Variants in SLC12A8 observed in about 807,000 individuals in gnomAD.
SLC12A8 encodes solute carrier family 12 member 8, also known as cation-chloride cotransporter 9.
SLC12A8 carries 69 observed loss-of-function variants against 75.6 expected under a neutral mutation model. That is an observed-to-expected ratio of 0.91 (90% CI 0.75 to 1.11). SLC12A8 has a LOEUF of 1.11. Ranked by LOEUF, SLC12A8 falls within the 50% of genes most tolerant of loss-of-function variation. The pLI is 0.00. For synonymous variants in SLC12A8, 365 were observed against 372.8 expected, an observed-to-expected ratio of 0.98 and a Z score of 0.24; for missense variants, 877 against 896.7, an observed-to-expected ratio of 0.98 and a Z score of 0.28.
chr3:125,148,665 G>A (rs886993411), intron 5 of SLC12A8, among the ~76,000 whole-genome samples: 18 of 152,274 alleles, frequency 1.2e-4, no homozygotes, highest in Admixed American at 1.2e-3. Context: ...CTCACAGGCT[G>A]CTCGCACCAC....
Position 125,177,785 on chromosome 3 carries a change from T to C in SLC12A8, c.580A>G (p.Thr194Ala). 6.2e-7 allele frequency: 1 copy of C among 1,614,194 alleles called. No homozygotes were observed. Among genetic ancestry groups the C allele is most frequent in the East Asian group, 2.2e-5 (1 of 44,876 alleles). The change falls in exon 5 of 14, where the codon ACA becomes GCA. Residue 194 changes from threonine to alanine, a missense_variant. Coordinates refer to ENST00000469902, the MANE Select transcript of SLC12A8 (RefSeq NM_024628.6). The stretch of plus-strand genomic sequence containing the variant: ...AAAGAACCCACCACAAAGTCCAGTG[T>C]GGACACGGCCAGCAGGAACAGCAAC... ...LLLLFLLAVSTLDFVVGSFTH... is the reference protein window; with the variant it reads ...LLLLFLLAVSALDFVVGSFTH...
chr3:125,160,454 C>T (rs369525021), intron 5 of SLC12A8, among the ~76,000 whole-genome samples: 23 of 152,346 alleles, frequency 1.5e-4, no homozygotes, highest in African/African-American at 5.5e-4. Context: ...AGATAAGCAG[C>T]ATCTGACTAC....
At position 125,107,919 on chromosome 3, in the gene SLC12A8, C is replaced by T; in HGVS notation, c.1267G>A (p.Gly423Ser). Reference sequence around the variant, plus strand: ...TCAGAGCAGTGGAGGCCTTCTGCGCCCTCCCTGAGCACCGGCTCAGGCACC... The same window carrying T: ...TCAGAGCAGTGGAGGCCTTCTGCGCTCTCCCTGAGCACCGGCTCAGGCACC... ...TPVPEPVLRE[G>S]AEGLHCSEHL... The change falls in exon 10 of 14, where the codon GGC (glycine) becomes AGC (serine). Residue 423 changes from glycine to serine, a missense_variant. Transcript: ENST00000469902. 1 of 1,614,154 alleles carries T rather than the reference C, an allele frequency of 6.2e-7. No individual in the cohort carries two copies. Among genetic ancestry groups the T allele is most frequent in the Non-Finnish European group, 8.5e-7 (1 of 1,180,018 alleles).
chr3:125,123,831 C>A (rs1933123873), intron 6 of SLC12A8, among the ~76,000 whole-genome samples: 3 of 152,140 alleles, frequency 2.0e-5, no homozygotes, highest in South Asian at 4.1e-4. Flanking sequence ...GCTCTTTATT[C>A]CTCGCCATTG....
rs1306782116 is a variant in SLC12A8 at position 125,171,911 on chromosome 3, TAAAAAAAAAAAAATTAA to T, written c.622+5815_622+5831del. 1.9e-3 allele frequency among the ~76,000 whole-genome samples: 2 copies of T among 1,028 alleles called. 1 individual carries two copies. Among genetic ancestry groups the T allele is most frequent in the African/African-American group, 3.5e-3 (2 of 572 alleles). The allele number at this position is 1,028 out of a possible 152,430, so 0.7% of individuals were successfully genotyped here. On this transcript the variant is annotated intron_variant, in intron 5 of 13. Transcript: ENST00000469902. ...ATGTACCCTAAAACTTAGAGTATAA[TAAAAAAAAAAAAATTAA>T]AAAAAAAAAAAGAAAATTAAAAAGT...
At chr3:125,156,678 C>CTCAGTT (rs1360509930) in intron 5 of SLC12A8, among the ~76,000 whole-genome samples, 1 of 152,196 alleles carries the variant, frequency 6.6e-6, no homozygotes, top group Admixed American at 6.5e-5. Context: ...GATCACGAAA[C>CTCAGTT]TGTCTCCCAA....
At chr3:125,136,475 C>T (rs1413286239) in intron 5 of SLC12A8, among the ~76,000 whole-genome samples, 8 of 152,184 alleles carry the variant, frequency 5.3e-5, no homozygotes, top group African/African-American at 1.4e-4. Flanking sequence ...CTGCTGTTGA[C>T]GCTAGGTCTG....
intron 2 of SLC12A8, among the ~76,000 whole-genome samples, chr3:125,200,344 G>A (rs1002036512): frequency 1.3e-5 from 2 of 152,158 alleles, no homozygotes; most frequent in Admixed American, 6.5e-5. Flanking sequence ...AGCTATTTAG[G>A]AGGCTGAGGA....
intron 5 of SLC12A8, among the ~76,000 whole-genome samples, chr3:125,170,765 A>G (rs889319273): frequency 4.6e-5 from 7 of 152,194 alleles, no homozygotes; most frequent in African/African-American, 1.4e-4. Flanking sequence ...ATACAAAAAA[A>G]TTAGCCGAGC....
chr3:125,190,237 A>G (rs2107795950), intron 3 of SLC12A8, 138 bp downstream of exon 3: 1 of 901,602 alleles, frequency 1.1e-6, no homozygotes, highest in Non-Finnish European at 1.7e-6. Context: ...CTAGCTATTC[A>G]TCGTGCTTGC....
intron 2 of SLC12A8, 49 bp from the exon 3 acceptor site, chr3:125,190,570 A>G (rs1418658665): frequency 1.2e-6 from 2 of 1,603,236 alleles, no homozygotes; most frequent in South Asian, 2.2e-5. Context: ...TGGGAGGGCC[A>G]GGGATGGCAT....
intron 2 of SLC12A8, among the ~76,000 whole-genome samples, chr3:125,195,880 C>A (rs752297398): frequency 3.3e-5 from 5 of 152,196 alleles, no homozygotes; most frequent in Non-Finnish European, 7.3e-5. Context: ...CCCTTCCCAA[C>A]CTCCTTAGCA....
At chr3:125,144,515 A>C (rs1406107969) in intron 5 of SLC12A8, among the ~76,000 whole-genome samples, 1 of 152,122 alleles carries the variant, frequency 6.6e-6, no homozygotes, top group Admixed American at 6.5e-5. Flanking sequence ...CTGAGAAAGG[A>C]AAATCTGGCC....
intron 5 of SLC12A8, among the ~76,000 whole-genome samples, chr3:125,159,918 G>A (rs188708899): frequency 1.3e-5 from 2 of 152,330 alleles, no homozygotes; most frequent in Non-Finnish European, 2.9e-5. Context: ...AGTGACTGCT[G>A]TGGAGATGCA....
chr3:125,198,132 A>G (rs1327692442), intron 2 of SLC12A8, among the ~76,000 whole-genome samples: 2 of 152,110 alleles, frequency 1.3e-5, no homozygotes, highest in East Asian at 1.9e-4. Flanking sequence ...GAAAACCTAA[A>G]TCTACCTGTG....
At chr3:125,196,689 G>A (rs995612427) in intron 2 of SLC12A8, among the ~76,000 whole-genome samples, 8 of 152,214 alleles carry the variant, frequency 5.3e-5, no homozygotes, top group Non-Finnish European at 7.3e-5. Flanking sequence ...AGCACTTTGG[G>A]AGACAGAAGC....
intron 5 of SLC12A8, among the ~76,000 whole-genome samples, chr3:125,169,548 G>A (rs987602701): frequency 6.6e-6 from 1 of 152,104 alleles, no homozygotes; most frequent in Non-Finnish European, 1.5e-5. Flanking sequence ...GTGGAGGGAG[G>A]GGTGTGCCAG....
chr3:125,184,657 G>C (rs12636353), intron 4 of SLC12A8, among the ~76,000 whole-genome samples: 90,734 of 151,280 alleles, frequency 0.6, 29,028 homozygotes, highest in Non-Finnish European at 0.72. Context: ...ACAAGGAATA[G>C]GGAGCCTCAA....
intron 2 of SLC12A8, 135 bp from the exon 3 acceptor site, chr3:125,190,656 TG>T: frequency 1.0e-6 from 1 of 988,164 alleles, no homozygotes; most frequent in South Asian, 1.5e-5. Flanking sequence ...AGGGCAAGTG[TG>T]TGTGTATACA....
Sources: allele counts gnomAD v4.1 joint callset (sites outside exome capture counted in the v4.1 genomes callset), GRCh38; gene constraint gnomAD v4.1.1; transcripts MANE v1.5; gene names NCBI Gene and HGNC (gene_info 2026-07-23, HGNC 2026-07-21).